The following SEC62 variants were observed in gnomAD, a reference collection of about 807,000 sequenced individuals.
SEC62 encodes translocation protein SEC62.
SEC62 carries 10 observed loss-of-function variants against 47.5 expected under a neutral mutation model. The ratio of observed to expected loss-of-function variants is 0.21; its 90% confidence interval spans 0.13 to 0.36. The LOEUF (loss-of-function observed/expected upper bound fraction) is 0.36. Ranked by LOEUF, SEC62 falls within the 10% of genes least tolerant of loss-of-function variation. The pLI is 1.00. For missense variants in SEC62, 327 were observed against 464.1 expected (o/e 0.70, Z 2.71); for synonymous variants, 136 against 150.5 (o/e 0.90, Z 0.71).
At chr3:169,971,997 C>T (rs910381424) in intron 1 of SEC62, among the ~76,000 whole-genome samples, 1 of 152,192 alleles carries the variant, frequency 6.6e-6, no homozygotes, top group South Asian at 2.1e-4. Flanking sequence ...ATGTGTTCTA[C>T]ATTTGAAATG....
rs1715151669 is a variant in SEC62, at chr3:169,988,144, T to G, written c.611-96T>G. Reference sequence around the variant, plus strand: ...ATTTTATATTTCACTGTGTTTATGTTTCTCAGTTTTTCCCCCAGGGATATG... The same window carrying G: ...ATTTTATATTTCACTGTGTTTATGTGTCTCAGTTTTTCCCCCAGGGATATG... On this transcript the variant is annotated intron_variant, in intron 6 of 7. Coordinates refer to ENST00000337002, the MANE Select transcript of SEC62 (RefSeq NM_003262.4). 2.9e-6 allele frequency: 4 copies of G among 1,378,762 alleles called. No homozygotes were observed. The South Asian group carries it at 4.9e-5, about 17-fold the overall frequency. 85.4% of individuals were successfully genotyped at this position (1,378,762 alleles called of 1,614,324 possible).
At chr3:169,981,161 G>A (rs1307880683) in intron 3 of SEC62, among the ~76,000 whole-genome samples, 1 of 152,172 alleles carries the variant, frequency 6.6e-6, no homozygotes, top group African/African-American at 2.4e-5. Flanking sequence ...TAGCAGATAT[G>A]ATGGTAGCAT....
At chr3:169,986,912 A>G (rs890376618) in intron 6 of SEC62, among the ~76,000 whole-genome samples, 4 of 151,996 alleles carry the variant, frequency 2.6e-5, no homozygotes, top group African/African-American at 9.7e-5. Context: ...TTTTTTGTAG[A>G]GATGGGGTTT....
chr3:169,974,357 G>T (rs1486798022), intron 1 of SEC62, among the ~76,000 whole-genome samples: 1 of 152,198 alleles, frequency 6.6e-6, no homozygotes, highest in African/African-American at 2.4e-5. Context: ...ATAGCTTACA[G>T]CAATAAGACA....
At chr3:169,981,017 G>GT in intron 3 of SEC62, among the ~76,000 whole-genome samples, 1 of 152,218 alleles carries the variant, frequency 6.6e-6, no homozygotes, top group East Asian at 1.9e-4. Context: ...ACATTCTGGA[G>GT]TAAAAAATGT....
intron 2 of SEC62, 28 bp downstream of exon 2, chr3:169,975,744 A>G: frequency 2.8e-6 from 4 of 1,439,638 alleles, no homozygotes; most frequent in Non-Finnish European, 2.9e-6. Context: ...AAATCGTATT[A>G]GTGTACATAT....
chr3:169,983,662 A>C (rs1289813513), intron 5 of SEC62: 1 of 154,296 alleles, frequency 6.5e-6, no homozygotes. Context: ...AGGAGAGTGA[A>C]GAATATGTCT....
rs1282088561 is a variant in SEC62 at position 169,983,152 on chromosome 3, T to C, written c.457-9T>C. 1.9e-6 allele frequency: 3 copies of C among 1,600,524 alleles called. No individual in the cohort carries two copies. Among genetic ancestry groups the C allele is most frequent in the Non-Finnish European group, 2.6e-6 (3 of 1,171,116 alleles). The stretch of plus-strand genomic sequence containing the variant: ...TGTTATTTCTTCTGTCCAACTTGTG[T>C]TTTCATAGGAGGAAACTCCAGGAAC... On this transcript the variant is annotated splice_polypyrimidine_tract_variant and intron_variant, in intron 4 of 7. Transcript: ENST00000337002.
chr3:169,975,225 G>T (rs1281544263), intron 1 of SEC62, among the ~76,000 whole-genome samples: 1 of 148,146 alleles, frequency 6.8e-6, no homozygotes, highest in Non-Finnish European at 1.5e-5. Context: ...AGGTTGCAGT[G>T]AGCCGAGATC....
In SEC62 at chr3:169,994,563, C is replaced by CT. The variant is rs1715330118; in HGVS notation, c.*1501dup. 1 of 152,354 alleles carries CT rather than the reference C, an allele frequency of 6.6e-6. No homozygotes were observed. The allele number at this position is 152,354 out of a possible 1,614,324, so 9.4% of individuals were successfully genotyped here. A position where few individuals can be genotyped will look rare whatever the true frequency, so the allele number is the denominator to read the frequency against. ...ATGTGGCTATTTGATGTTAATGCAA[C>CT]TATGTCAAGGCTGCAATCACTTTAA... On this transcript the variant is annotated 3_prime_UTR_variant, in exon 8 of 8. Transcript: ENST00000337002.
At chr3:169,977,442 G>A (rs184602098) in intron 3 of SEC62, among the ~76,000 whole-genome samples, 11 of 152,156 alleles carry the variant, frequency 7.2e-5, no homozygotes, top group African/African-American at 2.6e-4. Flanking sequence ...TGCACCCTGA[G>A]CCATAAGCCT....
chr3:169,988,759 C>T (rs2108287665), intron 7 of SEC62, among the ~76,000 whole-genome samples: 1 of 152,012 alleles, frequency 6.6e-6, no homozygotes, highest in South Asian at 2.1e-4. Context: ...TGAAATATAC[C>T]ATACATTATT....
chr3:169,967,596 T>C (rs1714567439), intron 1 of SEC62, among the ~76,000 whole-genome samples: 1 of 152,126 alleles, frequency 6.6e-6, no homozygotes, highest in African/African-American at 2.4e-5. Context: ...GTACATAACA[T>C]CTCCCCCTAA....
In SEC62 at chr3:169,967,602, C is replaced by T. The variant is rs551596775; in HGVS notation, c.36+744C>T. Among the ~76,000 whole-genome samples the T allele has an allele frequency of 5.3e-5, 8 of 152,150 alleles. No individual in the cohort carries two copies. The South Asian group carries it at 6.2e-4, about 12-fold the overall frequency. On this transcript the variant is annotated intron_variant, in intron 1 of 7. Coordinates refer to ENST00000337002, the MANE Select transcript of SEC62 (RefSeq NM_003262.4). ...CGTAGTAACGTACATAACATCTCCC[C>T]CTAATTCCACATGCGTGTCATTTGT...
chr3:169,966,887 C>T (rs1406846523), intron 1 of SEC62, 29 bp downstream of exon 1: 2 of 1,475,842 alleles, frequency 1.4e-6, no homozygotes, highest in East Asian at 2.9e-5. Flanking sequence ...GGGCAGGGGG[C>T]TTCGGCGCGC....
At chr3:169,976,792 A>ACT (rs897107456) in intron 2 of SEC62, among the ~76,000 whole-genome samples, 154 bp from the exon 3 acceptor site, 19 of 152,324 alleles carry the variant, frequency 1.2e-4, no homozygotes, top group African/African-American at 4.6e-4. Flanking sequence ...GTTTTGGGGA[A>ACT]CTACTAATCA....
chr3:169,989,530 A>G (rs1715190133), intron 7 of SEC62, among the ~76,000 whole-genome samples: 1 of 151,766 alleles, frequency 6.6e-6, no homozygotes, highest in Non-Finnish European at 1.5e-5. Flanking sequence ...AGGAAAAGTC[A>G]TAAACTTTGA....
In SEC62 at chr3:169,966,850, C is replaced by T. The variant is rs1261966351; in HGVS notation, c.28C>T (p.Arg10Trp). ...GGCGGAACGCAGGAGACACAAGAAGCGGATCCAGGTAGCAAAGCCGAGCTC... is the reference window on the plus strand; with the variant it reads ...GGCGGAACGCAGGAGACACAAGAAGTGGATCCAGGTAGCAAAGCCGAGCTC... MAERRRHKK[R>W]IQEVGEPSKE... Residue 10 changes from arginine (R) to tryptophan (W), a missense_variant, in exon 1 of 8, where the codon CGG becomes TGG. By Grantham distance (101) the Arg-to-Trp change is moderately radical (BLOSUM62 -3). This residue lies in a region of SEC62 where 126 missense variants were observed against 161.2 expected (regional missense o/e 0.78). Transcript: ENST00000337002. 2 of 1,556,240 alleles carry T rather than the reference C, an allele frequency of 1.3e-6. No homozygotes were observed. The highest frequency in any genetic ancestry group is 1.7e-6 in the Non-Finnish European group (2 of 1,149,738).
intron 1 of SEC62, among the ~76,000 whole-genome samples, chr3:169,968,725 T>A (rs1576854023): frequency 6.6e-6 from 1 of 152,208 alleles, no homozygotes; most frequent in Non-Finnish European, 1.5e-5. Flanking sequence ...CTCTTTGATA[T>A]GCTGAAGAAA....
Sources: allele counts gnomAD v4.1 joint callset (sites outside exome capture counted in the v4.1 genomes callset), GRCh38; gene constraint gnomAD v4.1.1; regional missense constraint gnomAD v4.1.1; transcripts MANE v1.5; gene names NCBI Gene and HGNC (gene_info 2026-07-23, HGNC 2026-07-21).